CDK14: variants seen among roughly 807,000 people sequenced by gnomAD.
The protein encoded by CDK14 is cyclin dependent kinase 14, also known as cyclin-dependent kinase 14.
CDK14 carries 34 observed loss-of-function variants against 60.7 expected under a neutral mutation model. The ratio of observed to expected loss-of-function variants is 0.56; its 90% CI spans 0.43 to 0.75. CDK14 has a LOEUF of 0.75. Ranked by LOEUF, CDK14 falls within the 30% of genes least tolerant of loss-of-function variation. The pLI, the probability that CDK14 is intolerant of heterozygous loss-of-function variation, is 0.00. For synonymous variants in CDK14, 197 were observed against 203.7 expected, an observed-to-expected ratio of 0.97 and a Z score of 0.28; for missense variants, 482 against 564.1, an observed-to-expected ratio of 0.85 and a Z score of 1.47.
At chr7:90,673,586 C>T (rs1801141534) in intron 2 of CDK14, among the ~76,000 whole-genome samples, 1 of 152,134 alleles carries the variant, frequency 6.6e-6, no homozygotes. Context: ...TTGGTTAAGT[C>T]TATTGCTCAG....
intron 9 of CDK14, among the ~76,000 whole-genome samples, chr7:90,983,225 A>C (rs1795277571): frequency 6.6e-6 from 1 of 152,186 alleles, no homozygotes; most frequent in African/African-American, 2.4e-5. Context: ...AAAGAAAACA[A>C]ATCATTCTAA....
intron 9 of CDK14, among the ~76,000 whole-genome samples, chr7:90,979,023 TA>T (rs1795153411): frequency 6.6e-6 from 1 of 152,132 alleles, no homozygotes; most frequent in Admixed American, 6.6e-5. Flanking sequence ...GGCCTGATGG[TA>T]AAAAATGTAG....
chr7:91,176,600 G>A (rs1327850457), intron 14 of CDK14, among the ~76,000 whole-genome samples: 1 of 151,946 alleles, frequency 6.6e-6, no homozygotes. Context: ...GAATCAAATA[G>A]ACACAATAAA....
At chr7:90,803,006 G>A (rs7791907) in intron 5 of CDK14, among the ~76,000 whole-genome samples, 23,618 of 152,034 alleles carry the variant, frequency 0.16, 1,946 homozygotes, top group Middle Eastern at 0.25. Context: ...TTGATTGTCA[G>A]CTCATATTTA....
chr7:90,944,456 G>GGT (rs1469666814), intron 8 of CDK14, among the ~76,000 whole-genome samples: 15 of 152,208 alleles, frequency 9.9e-5, no homozygotes, highest in African/African-American at 3.6e-4. Context: ...GCCATGGCCA[G>GGT]GTGCAGTGCC....
chr7:90,981,519 G>A (rs1385532797), intron 9 of CDK14, among the ~76,000 whole-genome samples: 1 of 152,138 alleles, frequency 6.6e-6, no homozygotes, highest in Non-Finnish European at 1.5e-5. Context: ...AGCAATTTCT[G>A]CAAATACATT....
In CDK14 at chr7:90,799,077, A is replaced by G. The variant is rs527765469; in HGVS notation, c.544+8425A>G. On this transcript the variant is annotated intron_variant, in intron 5 of 14. Coordinates refer to ENST00000380050, the MANE Select transcript of CDK14 (RefSeq NM_001287135.2). ...CTTCCACGTTTTTTGTTGTCTTAAG[A>G]TTTTCTTAGACAGGCATGAGGTGAA... is the stretch of plus-strand genomic sequence containing the variant. Among the ~76,000 whole-genome samples the G allele has an allele frequency of 6.6e-5, 10 of 152,220 alleles. No homozygotes were observed. The East Asian group carries it at 1.5e-3, about 24-fold the overall frequency.
intron 2 of CDK14, among the ~76,000 whole-genome samples, chr7:90,605,987 TG>T (rs1323661915): frequency 1.3e-5 from 2 of 152,234 alleles, no homozygotes; most frequent in African/African-American, 4.8e-5. Flanking sequence ...CTGAAACCTC[TG>T]TATAGTCAAA....
At chr7:91,160,371 T>C (rs1801131253) in intron 14 of CDK14, among the ~76,000 whole-genome samples, 1 of 152,186 alleles carries the variant, frequency 6.6e-6, no homozygotes, top group Admixed American at 6.5e-5. Flanking sequence ...TATAGATACC[T>C]TGGGGACTGT....
intron 10 of CDK14, among the ~76,000 whole-genome samples, chr7:91,023,086 A>T (rs558404847): frequency 6.6e-6 from 1 of 152,202 alleles, no homozygotes; most frequent in East Asian, 1.9e-4. Flanking sequence ...TGTTGGGAAC[A>T]TGTGAAACTT....
chr7:90,973,341 C>T (rs369907417), intron 9 of CDK14, among the ~76,000 whole-genome samples: 180 of 152,134 alleles, frequency 1.2e-3, no homozygotes, highest in Middle Eastern at 3.4e-3. Flanking sequence ...TGGCAGTGCA[C>T]GGGCTATGCT....
rs17866207 is a variant in CDK14 at position 90,633,644 on chromosome 7, A to G, written c.123+29395A>G. Among the ~76,000 whole-genome samples, 141 of 152,334 alleles carry G rather than the reference A, an allele frequency of 9.3e-4. 2 individuals are homozygous for G. Among genetic ancestry groups the G allele is most frequent in the African/African-American group, 3.2e-3 (131 of 41,586 alleles). On this transcript the variant is annotated intron_variant, in intron 2 of 14. Coordinates refer to ENST00000380050, the MANE Select transcript of CDK14 (RefSeq NM_001287135.2). ...AGTGTTCCTTGAGCGAATAAAATCTATCTTTTGTCTCTAAAAGAGCATTAT... is the reference window on the plus strand; with the variant it reads ...AGTGTTCCTTGAGCGAATAAAATCTGTCTTTTGTCTCTAAAAGAGCATTAT...
chr7:90,925,491 T>C (rs376561879), intron 8 of CDK14, among the ~76,000 whole-genome samples: 5 of 152,338 alleles, frequency 3.3e-5, no homozygotes, highest in African/African-American at 4.8e-5. Flanking sequence ...TGAATAGTTA[T>C]CATTAAGGTC....
chr7:90,668,967 C>T (rs183880857), intron 2 of CDK14, among the ~76,000 whole-genome samples: 5 of 152,052 alleles, frequency 3.3e-5, no homozygotes, highest in Non-Finnish European at 7.4e-5. Context: ...ATCCCTGCTG[C>T]TTGGCCTCCC....
Position 90,596,484 on chromosome 7 carries a change from C to T in CDK14, c.-144C>T. ...TCCTCCGCCTGCCTGCTGCTCGCCT[C>T]CCTAGACCTGCGCGTCGCTTCCCGG... On this transcript the variant is annotated 5_prime_UTR_variant, in exon 1 of 15. Transcript: ENST00000380050. 1 of 654,652 alleles carries T rather than the reference C, an allele frequency of 1.5e-6. No homozygotes were observed. The highest frequency in any genetic ancestry group is 2.7e-6 in the Non-Finnish European group (1 of 370,030). 40.6% of individuals were successfully genotyped at this position (654,652 alleles called of 1,614,324 possible).
chr7:90,749,668 A>G (rs1245183615), intron 4 of CDK14, among the ~76,000 whole-genome samples: 5 of 152,184 alleles, frequency 3.3e-5, no homozygotes. Flanking sequence ...ATCTCCAGGG[A>G]TCTGGAGCAC....
chr7:90,855,725 G>T (rs1790798413), intron 5 of CDK14, among the ~76,000 whole-genome samples: 1 of 152,210 alleles, frequency 6.6e-6, no homozygotes, highest in Non-Finnish European at 1.5e-5. Context: ...TACAATTGCT[G>T]TGTTAGTAGG....
At chr7:90,631,925 A>C (rs1423879678) in intron 2 of CDK14, 1 of 152,304 alleles carries the variant, frequency 6.6e-6, no homozygotes, top group African/African-American at 2.4e-5. Flanking sequence ...CAGGACAGTA[A>C]TGATGACACT....
intron 2 of CDK14, among the ~76,000 whole-genome samples, chr7:90,674,968 A>G (rs997797668): frequency 1.3e-5 from 2 of 152,216 alleles, no homozygotes; most frequent in African/African-American, 2.4e-5. Context: ...AATAGTTTTT[A>G]TTTCCCCAAA....
Sources: gnomAD v4.1 joint callset for allele counts (sites outside exome capture counted in the v4.1 genomes callset) on GRCh38, gnomAD v4.1.1 for gene constraint, MANE v1.5 for transcripts, NCBI Gene and HGNC (gene_info 2026-07-23, HGNC 2026-07-21) for gene names.